Variants in ACYP2 observed in about 807,000 individuals in gnomAD.
ACYP2 encodes acylphosphatase-2.
Under a neutral mutation model 11.2 loss-of-function variants are expected in ACYP2, and 12 were observed. The ratio of observed to expected loss-of-function variants is 1.08; its 90% confidence interval spans 0.69 to 1.74. ACYP2 has a LOEUF of 1.74. ACYP2 is among the 40% of genes most tolerant of loss of function. The pLI, the probability that ACYP2 is intolerant of heterozygous loss-of-function variation, is 0.00. For missense variants in ACYP2, 134 were observed against 101.9 expected (o/e 1.31, Z -1.35); for synonymous variants, 43 against 32.2 (o/e 1.33, Z -1.13).
At chr2:54,261,600 GT>G (rs1175783983) in intron 6 of ACYP2, among the ~76,000 whole-genome samples, 2 of 152,114 alleles carry the variant, frequency 1.3e-5, no homozygotes, top group African/African-American at 4.8e-5. Context: ...GTATAGTCTT[GT>G]TTTCCTTGGA....
chr2:54,101,138 A>T (rs1330775910), intron 4 of ACYP2, among the ~76,000 whole-genome samples: 3 of 152,132 alleles, frequency 2.0e-5, no homozygotes, highest in Admixed American at 2.0e-4. Context: ...CCTGTGAGAG[A>T]GCTGCATTTG....
chr2:54,087,602 T>C (rs910409612), intron 4 of ACYP2, among the ~76,000 whole-genome samples: 1 of 152,198 alleles, frequency 6.6e-6, no homozygotes, highest in Non-Finnish European at 1.5e-5. Context: ...CTGTCTGCCT[T>C]GGCCTCCCAC....
At chr2:54,285,996 G>A (rs935493324) in intron 6 of ACYP2, among the ~76,000 whole-genome samples, 1 of 152,204 alleles carries the variant, frequency 6.6e-6, no homozygotes, top group African/African-American at 2.4e-5. Context: ...GAATACAGAT[G>A]CTTCTTGACT....
At chr2:54,268,353 G>A (rs1688130084) in intron 6 of ACYP2, among the ~76,000 whole-genome samples, 1 of 152,116 alleles carries the variant, frequency 6.6e-6, no homozygotes, top group South Asian at 2.1e-4. Context: ...AGTAAATACA[G>A]TTTACTTAGG....
intron 6 of ACYP2, among the ~76,000 whole-genome samples, chr2:54,164,153 A>T (rs2103835355): frequency 6.6e-6 from 1 of 152,280 alleles, no homozygotes; most frequent in South Asian, 2.1e-4. Flanking sequence ...GAACTTAGAC[A>T]TTCAGAGGAG....
chr2:54,161,476 G>A (rs1450498262), intron 6 of ACYP2, among the ~76,000 whole-genome samples: 1 of 152,142 alleles, frequency 6.6e-6, no homozygotes, highest in Non-Finnish European at 1.5e-5. Context: ...GGTAAGAACT[G>A]GGTCCTTGAA....
chr2:54,243,752 T>C (rs1686831068), intron 6 of ACYP2, among the ~76,000 whole-genome samples: 1 of 152,140 alleles, frequency 6.6e-6, no homozygotes, highest in South Asian at 2.1e-4. Context: ...GTATCTTTTT[T>C]TTAGTAGAGA....
At chr2:54,035,989 G>A (rs1345301491) in intron 2 of ACYP2, among the ~76,000 whole-genome samples, 2 of 152,194 alleles carry the variant, frequency 1.3e-5, no homozygotes, top group Non-Finnish European at 2.9e-5. Context: ...TCAGTCAAAA[G>A]ACGATTGATT....
intron 6 of ACYP2, among the ~76,000 whole-genome samples, chr2:54,278,137 C>A (rs1251795148): frequency 1.3e-5 from 2 of 152,104 alleles, no homozygotes; most frequent in Non-Finnish European, 2.9e-5. Flanking sequence ...GCCACCATGC[C>A]GAGCTAATTT....
intron 2 of ACYP2, among the ~76,000 whole-genome samples, chr2:54,050,273 T>G (rs757272962): frequency 1.4e-4 from 22 of 152,066 alleles, no homozygotes; most frequent in Admixed American, 9.2e-4. Flanking sequence ...GTCTTGCAGG[T>G]GCTGTGGCTC....
intron 6 of ACYP2, among the ~76,000 whole-genome samples, chr2:54,199,012 G>C (rs1015879483): frequency 8.5e-5 from 13 of 152,148 alleles, no homozygotes; most frequent in Admixed American, 3.3e-4. Context: ...TTCAGCATGG[G>C]TGCTAGGTTA....
At chr2:54,212,109 G>T (rs990155033) in intron 6 of ACYP2, among the ~76,000 whole-genome samples, 1 of 152,160 alleles carries the variant, frequency 6.6e-6, no homozygotes, top group Non-Finnish European at 1.5e-5. Flanking sequence ...GCGTGGCAGT[G>T]TTAGTTTTTT....
intron 6 of ACYP2, among the ~76,000 whole-genome samples, chr2:54,190,315 C>A (rs989694461): frequency 9.9e-5 from 15 of 152,090 alleles, no homozygotes; most frequent in African/African-American, 3.4e-4. Context: ...ATCCACTTTC[C>A]AGACCTCTGT....
chr2:54,144,468 G>A (rs886462961), intron 6 of ACYP2, among the ~76,000 whole-genome samples: 14 of 152,112 alleles, frequency 9.2e-5, no homozygotes, highest in Non-Finnish European at 2.1e-4. Context: ...GAGGTCAGGA[G>A]TTTGAGACCA....
intron 4 of ACYP2, among the ~76,000 whole-genome samples, chr2:54,083,868 T>C (rs1286589606): frequency 6.6e-6 from 1 of 152,118 alleles, no homozygotes; most frequent in African/African-American, 2.4e-5. Context: ...CAGTTTGGAG[T>C]AGTCTGATGC....
At chr2:54,218,277 T>C (rs1685640677) in intron 6 of ACYP2, among the ~76,000 whole-genome samples, 1 of 152,218 alleles carries the variant, frequency 6.6e-6, no homozygotes. Flanking sequence ...TCTGAGGATC[T>C]CATCCTTGAC....
rs193203730 is a variant in ACYP2 at position 53,999,613 on chromosome 2, A to G, written c.62+25803A>G. 2.0e-5 allele frequency among the ~76,000 whole-genome samples: 3 copies of G among 152,300 alleles called. No individual in the cohort carries two copies. The East Asian group carries it at 5.8e-4, about 29-fold the overall frequency. On this transcript the variant is annotated intron_variant, in intron 2 of 6. Transcript: ENST00000607452. The stretch of plus-strand genomic sequence containing the variant: ...AGGAGAGACGCTGCTAGGACAAGAC[A>G]TAAAACAGGCCCTGTTTTATAACCA...
intron 6 of ACYP2, among the ~76,000 whole-genome samples, chr2:54,143,760 G>GGT (rs1558566649): frequency 7.7e-6 from 1 of 129,790 alleles, no homozygotes; most frequent in Non-Finnish European, 1.6e-5. Context: ...TTTTTTTTGG[G>GGT]GGGGGGGTAT....
intron 6 of ACYP2, among the ~76,000 whole-genome samples, chr2:54,146,797 C>G (rs1681913294): frequency 6.7e-6 from 1 of 150,018 alleles, no homozygotes; most frequent in Admixed American, 6.7e-5. Flanking sequence ...TTTGCATTGT[C>G]TCTTTTTTTT....
Sources: allele counts gnomAD v4.1 joint callset (sites outside exome capture counted in the v4.1 genomes callset), GRCh38; gene constraint gnomAD v4.1.1; transcripts MANE v1.5; gene names NCBI Gene and HGNC (gene_info 2026-07-23, HGNC 2026-07-21).